Variants in NME1 observed in about 807,000 individuals in gnomAD.
NME1 encodes the protein nucleoside diphosphate kinase A.
NME1 carries 9 observed loss-of-function variants against 17.2 expected under a neutral mutation model. That is an observed-to-expected ratio of 0.52 (90% CI 0.32 to 0.92). The LOEUF (loss-of-function observed/expected upper bound fraction) is 0.92, where lower values mean the gene tolerates loss of function less well. NME1 is among the 40% of genes least tolerant of loss of function. The pLI, the probability that NME1 is intolerant of heterozygous loss-of-function variation, is 0.04. For synonymous variants in NME1, 72 were observed against 70.8 expected, an observed-to-expected ratio of 1.02 and a Z score of -0.09; for missense variants, 169 against 201.7, an observed-to-expected ratio of 0.84 and a Z score of 0.98.
In NME1 at chr17:51,161,291, T is replaced by C; in HGVS notation, c.341+19T>C. ...TTGGCAGGTGAGATTTTGGTATTTTTCCCCCTTTTCCAAAATCTGATTTAG... is the reference window on the plus strand; with the variant it reads ...TTGGCAGGTGAGATTTTGGTATTTTCCCCCCTTTTCCAAAATCTGATTTAG... On this transcript the variant is annotated intron_variant, in intron 4 of 4. Transcript: ENST00000393196. 3.8e-6 allele frequency: 6 copies of C among 1,580,610 alleles called. No individual in the cohort carries two copies. Among genetic ancestry groups the C allele is most frequent in the South Asian group, 2.3e-5 (2 of 86,796 alleles).
chr17:51,160,868 C>T (rs762240014), intron 3 of NME1, among the ~76,000 whole-genome samples: 1 of 152,046 alleles, frequency 6.6e-6, no homozygotes, highest in Non-Finnish European at 1.5e-5. Flanking sequence ...CCTCAGCCTC[C>T]CAAAGGGCTG....
At chr17:51,157,683 G>A (rs2049806855) in intron 2 of NME1, among the ~76,000 whole-genome samples, 1 of 152,140 alleles carries the variant, frequency 6.6e-6, no homozygotes, top group Non-Finnish European at 1.5e-5. Context: ...TCCTGTTCTC[G>A]TGGTTGTTAG....
intron 3 of NME1, 41 bp from the exon 4 acceptor site, chr17:51,161,119 T>C (rs1247892087): frequency 6.4e-7 from 1 of 1,573,464 alleles, no homozygotes; most frequent in Non-Finnish European, 8.6e-7. Flanking sequence ...TCTGCTGTGA[T>C]TGGTTTTCTT....
chr17:51,159,867 A>G (rs2049839557), intron 2 of NME1, 113 bp from the exon 3 acceptor site: 7 of 1,224,418 alleles, frequency 5.7e-6, no homozygotes, highest in Admixed American at 5.4e-5. Context: ...TAACAGAATC[A>G]GTGAGCCCAA....
chr17:51,159,309 A>C (rs2049830721), intron 2 of NME1, among the ~76,000 whole-genome samples: 1 of 152,102 alleles, frequency 6.6e-6, no homozygotes, highest in Non-Finnish European at 1.5e-5. Context: ...TTTTAAAATT[A>C]GCCAGGTATG....
chr17:51,154,893 C>T (rs1212270013), intron 1 of NME1, among the ~76,000 whole-genome samples: 1 of 152,170 alleles, frequency 6.6e-6, no homozygotes, highest in East Asian at 1.9e-4. Flanking sequence ...ATCCTGTATC[C>T]TAGTTCCACC....
At chr17:51,154,542 C>T (rs977372632) in intron 1 of NME1, 3 of 1,029,232 alleles carry the variant, frequency 2.9e-6, no homozygotes, top group South Asian at 1.3e-5. Flanking sequence ...TCAGATATTC[C>T]TAATGTCTGT....
At chr17:51,160,184 A>G in intron 3 of NME1, 103 bp downstream of exon 3, 1 of 1,264,436 alleles carries the variant, frequency 7.9e-7, no homozygotes, top group Non-Finnish European at 1.1e-6. Flanking sequence ...GACCAAATAG[A>G]TACCTGTTTT....
In NME1 at chr17:51,161,736, T is replaced by C. The variant is rs1282515728; in HGVS notation, c.350T>C (p.Ile117Thr). The C allele has an allele frequency of 6.2e-7, 1 of 1,612,862 alleles. No homozygotes were observed. Among genetic ancestry groups the C allele is most frequent in the Admixed American group, 1.7e-5 (1 of 60,026 alleles). The part of the protein sequence containing the change: ...DFCIQVGRNI[I>T]HGSDSVESAE... ...TCTCTTTCTCCACCCAGGAACATTATACATGGCAGTGATTCTGTGGAGAGT... is the reference window on the plus strand; with the variant it reads ...TCTCTTTCTCCACCCAGGAACATTACACATGGCAGTGATTCTGTGGAGAGT... The change falls in exon 5 of 5, where the codon ATA (isoleucine) becomes ACA (threonine). Residue 117 changes from isoleucine to threonine, a missense_variant. Physicochemically the swap from Ile to Thr is moderately conservative, Grantham distance 89. Coordinates refer to ENST00000393196, the MANE Select transcript of NME1 (RefSeq NM_000269.3).
chr17:51,161,610 C>G (rs2049865273), intron 4 of NME1, 118 bp from the exon 5 acceptor site: 1 of 865,284 alleles, frequency 1.2e-6, no homozygotes, highest in Non-Finnish European at 2.0e-6. Context: ...TTTCTTTTAA[C>G]ATGGTCTAAT....
chr17:51,160,744 G>GA, intron 3 of NME1: 1 of 335,414 alleles, frequency 3.0e-6, no homozygotes, highest in Non-Finnish European at 5.6e-6. Context: ...TGAGTAGCTG[G>GA]GACTACAGGC....
chr17:51,155,908 C>T, intron 2 of NME1, 128 bp downstream of exon 2: 1 of 1,452,214 alleles, frequency 6.9e-7, no homozygotes, highest in South Asian at 1.2e-5. Context: ...TGTCTTGAGA[C>T]CTGGAAACTC....
chr17:51,154,564 AC>A, intron 1 of NME1: 2 of 817,472 alleles, frequency 2.4e-6, no homozygotes, highest in Non-Finnish European at 4.2e-6. Flanking sequence ...GTTCTCCCAC[AC>A]CCCACCGTTT....
At chr17:51,159,139 G>A (rs1345680624) in intron 2 of NME1, among the ~76,000 whole-genome samples, 1 of 152,170 alleles carries the variant, frequency 6.6e-6, no homozygotes, top group African/African-American at 2.4e-5. Context: ...TTATTGTATT[G>A]TTGATTTTCC....
intron 1 of NME1, chr17:51,154,314 TACAGTGCTAAG>T: frequency 6.6e-7 from 1 of 1,514,552 alleles, no homozygotes; most frequent in South Asian, 1.1e-5. Context: ...AAAATTGGAC[TACAGTGCTAAG>T]ATGCTGTAAG....
intron 2 of NME1, 68 bp downstream of exon 2, chr17:51,155,848 T>A: frequency 6.2e-7 from 1 of 1,604,136 alleles, no homozygotes. Flanking sequence ...ATTAACCTGT[T>A]TCTCCCCGTC....
At position 51,153,663 on chromosome 17, in the gene NME1, G is replaced by A. The variant is rs2049741149; in HGVS notation, c.-5+1G>A. ...AGTTCAAACCTAAGCAGCTGGAAGG[G>A]TAAGAGGTGTTCGGGATCCTGAGAG... On this transcript the variant is annotated splice_donor_variant, in intron 1 of 4. Coordinates refer to ENST00000393196, the MANE Select transcript of NME1 (RefSeq NM_000269.3). LOFTEE classifies it low-confidence loss of function (5UTR_SPLICE). 6.5e-6 allele frequency: 1 copy of A among 153,026 alleles called. No homozygotes were observed. Among genetic ancestry groups the A allele is most frequent in the African/African-American group, 2.4e-5 (1 of 41,472 alleles). The allele number at this position is 153,026 out of a possible 1,614,324, so 9.5% of individuals were successfully genotyped here.
Position 51,162,000 on chromosome 17 carries a change from TC to T in NME1, c.*159del, listed in dbSNP as rs2049871111. The T allele has an allele frequency of 1.6e-6, 1 of 621,922 alleles. No individual in the cohort carries two copies. Among genetic ancestry groups the T allele is most frequent in the Admixed American group, 2.7e-5 (1 of 37,542 alleles). The allele number at this position is 621,922 out of a possible 1,614,324, so 38.5% of individuals were successfully genotyped here. ...GAGTTCTCCCTGTACAGTGTTACCA[TC>T]CCCGACCATCTGATTAAAATGCTTC... On this transcript the variant is annotated 3_prime_UTR_variant, in exon 5 of 5. Coordinates refer to ENST00000393196, the MANE Select transcript of NME1 (RefSeq NM_000269.3).
At chr17:51,159,474 G>C (rs1598239052) in intron 2 of NME1, among the ~76,000 whole-genome samples, 1 of 152,326 alleles carries the variant, frequency 6.6e-6, no homozygotes. Flanking sequence ...GCCGCCACCT[G>C]TAATCCCAGC....
Sources: gnomAD v4.1 joint callset for allele counts (sites outside exome capture counted in the v4.1 genomes callset) on GRCh38, gnomAD v4.1.1 for gene constraint, MANE v1.5 for transcripts, NCBI Gene and HGNC (gene_info 2026-07-23, HGNC 2026-07-21) for gene names.